Variants in USP25 observed in about 807,000 individuals in gnomAD.
USP25 encodes ubiquitin carboxyl-terminal hydrolase 25.
Under a neutral mutation model 158.5 loss-of-function variants are expected in USP25, and 85 were observed. The observed-to-expected ratio is 0.54, with a 90% confidence interval of 0.45 to 0.64. USP25 has a LOEUF of 0.64. USP25 is among the 30% of genes least tolerant of loss of function. The pLI is 0.00. For synonymous variants in USP25, 464 were observed against 460.4 expected (o/e 1.01, Z -0.10); for missense variants, 1,242 against 1,327.3 (o/e 0.94, Z 1.00).
Position 15,879,147 on chromosome 21 carries a change from A to G in USP25, c.*672A>G. The G allele has an allele frequency of 6.6e-6, 1 of 152,472 alleles. No individual in the cohort carries two copies. The highest frequency in any genetic ancestry group is 1.9e-4 in the East Asian group (1 of 5,194). 9.4% of individuals were successfully genotyped at this position (152,472 alleles called of 1,614,324 possible). A position where few individuals can be genotyped will look rare whatever the true frequency, so the allele number is the denominator to read the frequency against. On this transcript the variant is annotated 3_prime_UTR_variant, in exon 26 of 26. Coordinates refer to ENST00000400183, the MANE Select transcript of USP25 (RefSeq NM_001283041.3). ...CTGTTTTGAATTCAGTCAGGTTTTTACTCAAGTAAGTGGTTGATTTTTTTT... is the reference window on the plus strand; with the variant it reads ...CTGTTTTGAATTCAGTCAGGTTTTTGCTCAAGTAAGTGGTTGATTTTTTTT...
At chr21:15,732,723 CTT>C (rs572570071) in intron 1 of USP25, among the ~76,000 whole-genome samples, 19 of 152,154 alleles carry the variant, frequency 1.2e-4, no homozygotes, top group African/African-American at 7.2e-5. Flanking sequence ...ATTTTTAAAA[CTT>C]TTATTTTGCA....
chr21:15,753,949 G>C (rs953422819), intron 1 of USP25, among the ~76,000 whole-genome samples: 8 of 152,134 alleles, frequency 5.3e-5, no homozygotes, highest in Admixed American at 3.3e-4. Flanking sequence ...ATGAGAGGGT[G>C]GGGGAGGAAA....
At chr21:15,804,969 C>G in intron 6 of USP25, 152 bp from the exon 7 acceptor site, 2 of 783,086 alleles carry the variant, frequency 2.6e-6, no homozygotes, top group Non-Finnish European at 3.7e-6. Context: ...CACCAACACT[C>G]TACTTTCTTC....
intron 2 of USP25, among the ~76,000 whole-genome samples, chr21:15,764,181 T>G (rs1027608526): frequency 1.3e-5 from 2 of 152,114 alleles, no homozygotes; most frequent in Non-Finnish European, 2.9e-5. Flanking sequence ...TTTAGATAAT[T>G]GCTAGTCCCT....
chr21:15,852,510 G>A (rs1033201562), intron 20 of USP25, among the ~76,000 whole-genome samples: 11 of 152,248 alleles, frequency 7.2e-5, no homozygotes, highest in African/African-American at 2.4e-4. Context: ...CTGGTTGATA[G>A]TAAATGCTCA....
chr21:15,792,746 CATA>C (rs939832023), intron 5 of USP25, among the ~76,000 whole-genome samples: 7 of 151,444 alleles, frequency 4.6e-5, no homozygotes, highest in Non-Finnish European at 8.9e-5. Context: ...GCTTCTGGTG[CATA>C]ATATCATATA....
rs754094125 is a variant in USP25 at position 15,805,243 on chromosome 21, A to AAAT, written c.766_768dup (p.Asn256dup). The AAAT allele has an allele frequency of 1.2e-6, 2 of 1,602,126 alleles. No individual in the cohort carries two copies. Among genetic ancestry groups the AAAT allele is most frequent in the South Asian group, 2.3e-5 (2 of 88,318 alleles). ...AAATTCTTAAGGATGCTTTCAAATC[A>AAAT]AATGACTCACAGCAGGTAGTTCTGT... On this transcript the variant is annotated inframe_insertion, in exon 7 of 26. Transcript: ENST00000400183.
intron 1 of USP25, among the ~76,000 whole-genome samples, chr21:15,741,129 C>A (rs1047942892): frequency 8.6e-5 from 12 of 139,924 alleles, no homozygotes; most frequent in African/African-American, 1.2e-4. Context: ...TTGTTTATAC[C>A]AAATTTTTTT....
At chr21:15,803,881 C>G (rs1222956145) in intron 6 of USP25, among the ~76,000 whole-genome samples, 1 of 151,804 alleles carries the variant, frequency 6.6e-6, no homozygotes, top group African/African-American at 2.4e-5. Flanking sequence ...GCAATTCTTT[C>G]TATGTGGGTT....
chr21:15,835,370 CATATTTCCAACTA>C (rs1269984510), intron 17 of USP25, among the ~76,000 whole-genome samples: 1 of 152,152 alleles, frequency 6.6e-6, no homozygotes, highest in Admixed American at 6.5e-5. Context: ...CAAACGAATA[CATATTTCCAACTA>C]ATATTCCTAT....
chr21:15,814,323 G>A (rs2146308374), intron 9 of USP25, among the ~76,000 whole-genome samples: 4 of 151,796 alleles, frequency 2.6e-5, no homozygotes, highest in African/African-American at 9.7e-5. Flanking sequence ...AGCAGCTTGA[G>A]AATGGACTAA....
intron 23 of USP25, among the ~76,000 whole-genome samples, chr21:15,870,571 A>G (rs551049835): frequency 1.1e-4 from 16 of 152,304 alleles, no homozygotes; most frequent in African/African-American, 3.8e-4. Flanking sequence ...GATGGTCTTA[A>G]AGGAATATCT....
chr21:15,791,415 A>G (rs2035584122), intron 4 of USP25, 87 bp from the exon 5 acceptor site: 2 of 1,308,514 alleles, frequency 1.5e-6, no homozygotes, highest in Non-Finnish European at 2.0e-6. Flanking sequence ...TTGAAATCTT[A>G]TGTAATGAAA....
chr21:15,795,039 C>A (rs1388802041), intron 5 of USP25, among the ~76,000 whole-genome samples: 1 of 151,564 alleles, frequency 6.6e-6, no homozygotes, highest in Non-Finnish European at 1.5e-5. Flanking sequence ...AATCATGTGG[C>A]ACTAAAATGC....
At chr21:15,855,707 G>T (rs181508843) in intron 20 of USP25, among the ~76,000 whole-genome samples, 2 of 152,266 alleles carry the variant, frequency 1.3e-5, no homozygotes, top group Admixed American at 1.3e-4. Context: ...TCTCAGACTT[G>T]TACTTCCAAC....
In USP25 at chr21:15,816,241, C is replaced by T. The variant is rs2036929498; in HGVS notation, c.932-2457C>T. ...GCTTCTTCCTCATCTTCTCTTGCCT[C>T]TGCCATGTAAGAAGTGCCTTTTGCC... On this transcript the variant is annotated intron_variant, in intron 9 of 25. Transcript: ENST00000400183. This position sits in a 1 kb window ranked among gnomAD's most constrained non-coding sequence, Gnocchi z 4.0. Among the ~76,000 whole-genome samples, 1 of 152,146 alleles carries T rather than the reference C, an allele frequency of 6.6e-6. No individual in the cohort carries two copies. The highest frequency in any genetic ancestry group is 2.4e-5 in the African/African-American group (1 of 41,434).
chr21:15,850,383 CAT>C (rs1347008352), intron 20 of USP25, among the ~76,000 whole-genome samples: 2 of 151,952 alleles, frequency 1.3e-5, no homozygotes, highest in East Asian at 1.9e-4. Flanking sequence ...CAGTTCAAGA[CAT>C]GTGAGAACAT....
intron 1 of USP25, among the ~76,000 whole-genome samples, chr21:15,762,636 G>C (rs553695080): frequency 6.6e-6 from 1 of 152,260 alleles, no homozygotes; most frequent in East Asian, 1.9e-4. Context: ...AATTCAGTAA[G>C]ACTTATTGGG....
At chr21:15,873,843 T>C (rs139264374) in intron 23 of USP25, among the ~76,000 whole-genome samples, 1 of 152,166 alleles carries the variant, frequency 6.6e-6, no homozygotes, top group African/African-American at 2.4e-5. Flanking sequence ...TTTATTCCAC[T>C]AGGTTTCCCA....
Sources: gnomAD v4.1 joint callset for allele counts (sites outside exome capture counted in the v4.1 genomes callset) on GRCh38, gnomAD v4.1.1 for gene constraint, Gnocchi (gnomAD v3.1) non-coding constraint, MANE v1.5 for transcripts, NCBI Gene and HGNC (gene_info 2026-07-23, HGNC 2026-07-21) for gene names.